The following MAF variants were observed in gnomAD, a reference collection of about 807,000 sequenced individuals.
MAF encodes the protein MAF bZIP transcription factor.
MAF carries 10 observed loss-of-function variants against 22.0 expected under a neutral mutation model. That is an observed-to-expected ratio of 0.45 (90% CI 0.28 to 0.77). MAF has a LOEUF of 0.77. MAF is among the 30% of genes least tolerant of loss of function. The probability of loss-of-function intolerance (pLI) is 0.12; values close to 1 mark genes in which losing one functional copy is unlikely to be tolerated. For synonymous variants in MAF, 337 were observed against 255.8 expected (o/e 1.32, Z -3.03); for missense variants, 544 against 548.4 (o/e 0.99, Z 0.08).
At chr16:79,223,790 C>A in the MAF span, among the ~76,000 whole-genome samples, 2,264 of 152,166 alleles carry the variant, frequency 0.015, 41 homozygotes, top group African/African-American at 0.052. Context: ...GACATATACA[C>A]CCTCCCAAGA....
the MAF span, among the ~76,000 whole-genome samples, chr16:79,511,734 G>A: frequency 6.6e-6 from 1 of 152,170 alleles, no homozygotes; most frequent in Non-Finnish European, 1.5e-5. Flanking sequence ...TGAGATAGGT[G>A]AGTCCCAGCT....
chr16:79,564,160 T>A, the MAF span, among the ~76,000 whole-genome samples: 7 of 152,244 alleles, frequency 4.6e-5, no homozygotes, highest in Admixed American at 3.3e-4. Context: ...CACTACATAA[T>A]TAAATGCAAA....
At chr16:79,224,697 G>C in the MAF span, among the ~76,000 whole-genome samples, 3,686 of 152,258 alleles carry the variant, frequency 0.024, 51 homozygotes, top group East Asian at 0.047. Flanking sequence ...AAAATCACAA[G>C]CATTTCTATA....
At chr16:79,544,183 G>A in the MAF span, among the ~76,000 whole-genome samples, 5 of 152,172 alleles carry the variant, frequency 3.3e-5, no homozygotes, top group African/African-American at 1.2e-4. Context: ...AATAAGAGGA[G>A]CAACTATTAA....
chr16:79,554,325 A>T, the MAF span, among the ~76,000 whole-genome samples: 2 of 152,154 alleles, frequency 1.3e-5, no homozygotes, highest in African/African-American at 4.8e-5. Context: ...AGGGTTCCAT[A>T]TCCATGTCTG....
chr16:79,442,519 G>A, the MAF span, among the ~76,000 whole-genome samples: 70 of 152,172 alleles, frequency 4.6e-4, no homozygotes, highest in Non-Finnish European at 8.2e-4. Flanking sequence ...TTACAGACAT[G>A]AGCCACTTCA....
chr16:79,407,839 T>C, the MAF span, among the ~76,000 whole-genome samples: 2 of 152,090 alleles, frequency 1.3e-5, no homozygotes, highest in African/African-American at 4.8e-5. Context: ...CATGAATGCC[T>C]CAATTCCTGT....
the MAF span, among the ~76,000 whole-genome samples, chr16:79,573,936 T>C: frequency 6.6e-6 from 1 of 152,234 alleles, no homozygotes; most frequent in Non-Finnish European, 1.5e-5. Context: ...TACCAGGCTC[T>C]TATCTCCCGT....
chr16:79,225,848 A>G, the MAF span, among the ~76,000 whole-genome samples: 1 of 152,248 alleles, frequency 6.6e-6, no homozygotes, highest in Non-Finnish European at 1.5e-5. Flanking sequence ...CACACCAGTT[A>G]GAATGGTGAT....
the MAF span, among the ~76,000 whole-genome samples, chr16:79,417,540 T>G: frequency 6.6e-5 from 10 of 152,180 alleles, no homozygotes; most frequent in South Asian, 2.1e-3. Flanking sequence ...AAAGTGGGCT[T>G]CCTGCACAGG....
At chr16:79,223,530 G>T in the MAF span, among the ~76,000 whole-genome samples, 1 of 152,080 alleles carries the variant, frequency 6.6e-6, no homozygotes, top group East Asian at 1.9e-4. Context: ...AACTGAAGGA[G>T]ATAGAGACAC....
chr16:79,259,978 C>G, the MAF span, among the ~76,000 whole-genome samples: 2 of 152,276 alleles, frequency 1.3e-5, no homozygotes, highest in South Asian at 2.1e-4. Flanking sequence ...GGAAGTGTGA[C>G]ACAGCACAGT....
chr16:79,542,893 T>C, the MAF span, among the ~76,000 whole-genome samples: 4 of 152,212 alleles, frequency 2.6e-5, no homozygotes, highest in Non-Finnish European at 2.9e-5. Flanking sequence ...GGGTGGTTTT[T>C]ATATCATAAG....
chr16:79,593,243 C>T (rs1411493595), downstream of MAF, among the ~76,000 whole-genome samples: 1 of 152,066 alleles, frequency 6.6e-6, no homozygotes, highest in African/African-American at 2.4e-5. Context: ...AAACAACGGC[C>T]ACAGCAGCAA....
the MAF span, among the ~76,000 whole-genome samples, chr16:79,226,486 C>T: frequency 6.6e-6 from 1 of 152,042 alleles, no homozygotes. Flanking sequence ...ATGTAAAAAC[C>T]TGCATGTTCT....
At chr16:79,381,479 ATG>A in the MAF span, among the ~76,000 whole-genome samples, 15 of 152,222 alleles carry the variant, frequency 9.9e-5, no homozygotes, top group Admixed American at 2.6e-4. Flanking sequence ...TGCTTGGCTA[ATG>A]ACGGTGCCTA....
chr16:79,482,728 T>A, the MAF span, among the ~76,000 whole-genome samples: 599 of 152,150 alleles, frequency 3.9e-3, 2 homozygotes, highest in African/African-American at 0.014. Flanking sequence ...AGTGCCCCGC[T>A]GAGCAGGGCT....
chr16:79,578,006 T>A, the MAF span, among the ~76,000 whole-genome samples: 1 of 152,214 alleles, frequency 6.6e-6, no homozygotes. Flanking sequence ...TTCAAATTTA[T>A]GTCTTTGGTA....
At chr16:79,224,718 A>C in the MAF span, among the ~76,000 whole-genome samples, 1 of 152,206 alleles carries the variant, frequency 6.6e-6, no homozygotes, top group Non-Finnish European at 1.5e-5. Context: ...CACCAATAAT[A>C]GACAAACAAG....
Sources: allele counts gnomAD v4.1 joint callset (sites outside exome capture counted in the v4.1 genomes callset), GRCh38; gene constraint gnomAD v4.1.1; transcripts MANE v1.5; gene names NCBI Gene and HGNC (gene_info 2026-07-23, HGNC 2026-07-21).